Variants in TRIM55 observed in about 807,000 individuals in gnomAD.
TRIM55 encodes the protein tripartite motif containing 55, also known as tripartite motif-containing protein 55.
Under a neutral mutation model 60.9 loss-of-function variants are expected in TRIM55, and 50 were observed. The ratio of observed to expected loss-of-function variants is 0.82; its 90% CI spans 0.65 to 1.04. The LOEUF (loss-of-function observed/expected upper bound fraction) is 1.04. Ranked by LOEUF, TRIM55 falls within the 50% of genes least tolerant of loss-of-function variation. The probability of loss-of-function intolerance (pLI) is 0.00; values close to 1 mark genes in which losing one functional copy is unlikely to be tolerated. For synonymous variants in TRIM55, 237 were observed against 238.1 expected (o/e 1.00, Z 0.04); for missense variants, 681 against 666.9 (o/e 1.02, Z -0.23).
chr8:66,117,891 G>A, the TRIM55 span, among the ~76,000 whole-genome samples: 3 of 152,008 alleles, frequency 2.0e-5, no homozygotes, highest in East Asian at 5.8e-4. Flanking sequence ...AGGAGGCCGG[G>A]CACGGTGGCT....
At chr8:66,164,735 C>T (rs1165096875) in intron 9 of TRIM55, among the ~76,000 whole-genome samples, 2 of 152,208 alleles carry the variant, frequency 1.3e-5, no homozygotes, top group Non-Finnish European at 2.9e-5. Flanking sequence ...CAATAGCCTA[C>T]TATAGGCAGA....
chr8:66,149,579 C>A, intron 4 of TRIM55, 66 bp from the exon 5 acceptor site: 1 of 1,250,148 alleles, frequency 8.0e-7, no homozygotes, highest in Non-Finnish European at 1.2e-6. Flanking sequence ...CCCAGGATAA[C>A]TAGGTGATTT....
chr8:66,130,828 T>C (rs1809110810), intron 2 of TRIM55, among the ~76,000 whole-genome samples: 1 of 151,608 alleles, frequency 6.6e-6, no homozygotes, highest in Non-Finnish European at 1.5e-5. Flanking sequence ...GCCCAGCTAA[T>C]TTTTTTGTAT....
chr8:66,125,304 A>G (rs1485604414), upstream of TRIM55, among the ~76,000 whole-genome samples: 2 of 152,186 alleles, frequency 1.3e-5, no homozygotes, highest in African/African-American at 4.8e-5. Flanking sequence ...CTGTGTGTGC[A>G]TGTCTCATCT....
At chr8:66,165,194 T>G (rs1811260670) in intron 9 of TRIM55, among the ~76,000 whole-genome samples, 1 of 152,140 alleles carries the variant, frequency 6.6e-6, no homozygotes, top group Non-Finnish European at 1.5e-5. Flanking sequence ...GGGCCAAAGT[T>G]CCAAGGAGGA....
chr8:66,117,805 G>A, the TRIM55 span, among the ~76,000 whole-genome samples: 395 of 152,238 alleles, frequency 2.6e-3, no homozygotes, highest in Non-Finnish European at 4.5e-3. Context: ...TAAAGTATTC[G>A]CTACTTGTTG....
chr8:66,160,716 A>G (rs1474665885), intron 9 of TRIM55, among the ~76,000 whole-genome samples: 1 of 151,900 alleles, frequency 6.6e-6, no homozygotes, highest in East Asian at 1.9e-4. Context: ...CCATTCTTGC[A>G]GGAGTGAGGT....
At chr8:66,169,631 A>G (rs963355680) in intron 9 of TRIM55, among the ~76,000 whole-genome samples, 7 of 151,578 alleles carry the variant, frequency 4.6e-5, no homozygotes, top group South Asian at 2.1e-4. Context: ...TAAATACAAG[A>G]CATTGCTTGC....
chr8:66,114,121 G>A, the TRIM55 span, among the ~76,000 whole-genome samples: 1 of 129,588 alleles, frequency 7.7e-6, no homozygotes, highest in Non-Finnish European at 1.6e-5. Context: ...AACCAAAAAA[G>A]TCTGTCTTCA....
At chr8:66,157,866 C>T (rs529990370) in intron 9 of TRIM55, among the ~76,000 whole-genome samples, 56 of 152,218 alleles carry the variant, frequency 3.7e-4, no homozygotes, top group Non-Finnish European at 6.8e-4. Flanking sequence ...CAAAAAAAAC[C>T]GGTCATGGCA....
At chr8:66,166,600 C>T (rs1811342215) in intron 9 of TRIM55, among the ~76,000 whole-genome samples, 1 of 152,166 alleles carries the variant, frequency 6.6e-6, no homozygotes, top group Admixed American at 6.5e-5. Context: ...AATGTGTGCC[C>T]ATTGCTTTAT....
the TRIM55 span, among the ~76,000 whole-genome samples, chr8:66,118,042 C>G: frequency 1 from 150,263 of 150,266 alleles, 75,130 homozygotes; most frequent in Middle Eastern, 1. Context: ...GGTGGCGGGC[C>G]CCTGTAGTCC....
At chr8:66,128,571 C>T (rs1808963469) in intron 2 of TRIM55, 95 bp downstream of exon 2, 1 of 1,317,272 alleles carries the variant, frequency 7.6e-7, no homozygotes, top group Non-Finnish European at 1.0e-6. Flanking sequence ...GCTTGTTTAT[C>T]AATCACAGAC....
chr8:66,156,017 G>A (rs1237757671), intron 9 of TRIM55, among the ~76,000 whole-genome samples: 1 of 152,206 alleles, frequency 6.6e-6, no homozygotes, highest in African/African-American at 2.4e-5. Flanking sequence ...TGGTCATTAG[G>A]GGAGGCCAGT....
intron 9 of TRIM55, among the ~76,000 whole-genome samples, chr8:66,155,896 T>C (rs2446433): frequency 0.97 from 147,270 of 152,306 alleles, 71,249 homozygotes; most frequent in East Asian, 1. Context: ...AAGACCTCTT[T>C]CTGAGGAGAA....
chr8:66,164,510 C>T (rs1186018918), intron 9 of TRIM55, among the ~76,000 whole-genome samples: 1 of 152,336 alleles, frequency 6.6e-6, no homozygotes, highest in African/African-American at 2.4e-5. Flanking sequence ...CCAGTGACTT[C>T]CAGCACTGGC....
rs1209947050 is a variant in TRIM55, at chr8:66,145,420, G to GT, written c.604-4219dup. Among the ~76,000 whole-genome samples the GT allele has an allele frequency of 5.3e-5, 8 of 151,854 alleles. No homozygotes were observed. In the South Asian group the frequency reaches 1.2e-3, roughly 24 times the overall value. ...AAAGCTAATTAAACAAGAGAAAAAAGTTTTTTCCATTAGGAATTAGAAAAT... is the reference window on the plus strand; with the variant it reads ...AAAGCTAATTAAACAAGAGAAAAAAGTTTTTTTCCATTAGGAATTAGAAAAT... On this transcript the variant is annotated intron_variant, in intron 4 of 9. Coordinates refer to ENST00000315962, the MANE Select transcript of TRIM55 (RefSeq NM_184085.2).
At chr8:66,126,141 T>G (rs1380528875), upstream of TRIM55, among the ~76,000 whole-genome samples, 1 of 152,142 alleles carries the variant, frequency 6.6e-6, no homozygotes, top group Non-Finnish European at 1.5e-5. Flanking sequence ...GGAGAATAGG[T>G]ATTTTGGAGG....
Position 66,135,599 on chromosome 8 carries a change from C to T in TRIM55, c.507+444C>T, listed in dbSNP as rs1205281029. On this transcript the variant is annotated intron_variant, in intron 3 of 9. Coordinates refer to ENST00000315962, the MANE Select transcript of TRIM55 (RefSeq NM_184085.2). ...CCCATGAAAGATTTCTTTGGCCCTC[C>T]TCAATGCCTTTTATCCCGCACTCTT... 2.0e-5 allele frequency among the ~76,000 whole-genome samples: 3 copies of T among 151,920 alleles called. No individual in the cohort carries two copies. In the East Asian group the frequency reaches 5.8e-4, roughly 29 times the overall value.
Sources: gnomAD v4.1 joint callset for allele counts (sites outside exome capture counted in the v4.1 genomes callset) on GRCh38, gnomAD v4.1.1 for gene constraint, MANE v1.5 for transcripts, NCBI Gene and HGNC (gene_info 2026-07-23, HGNC 2026-07-21) for gene names.